The following CNTNAP3 variants were observed in gnomAD, a reference collection of about 807,000 sequenced individuals.
CNTNAP3 encodes contactin-associated protein-like 3.
In CNTNAP3, 36 loss-of-function variants were observed where a neutral mutation model predicts 92.1. The observed-to-expected ratio is 0.39, with a 90% confidence interval of 0.30 to 0.52. The LOEUF is 0.52. Among genes scored for constraint, CNTNAP3 ranks in the 20% least tolerant of loss-of-function variants. The pLI is 0.76. For missense variants in CNTNAP3, 534 were observed against 1,069.6 expected, an observed-to-expected ratio of 0.50 and a Z score of 6.98; for synonymous variants, 232 against 422.3, an observed-to-expected ratio of 0.55 and a Z score of 5.53.
At chr9:39,075,245 T>C (rs1825727943) in intron 23 of CNTNAP3, among the ~76,000 whole-genome samples, 2 of 151,080 alleles carry the variant, frequency 1.3e-5, no homozygotes, top group African/African-American at 4.9e-5. Flanking sequence ...TTCTCGACTC[T>C]AGCTGCACAC....
chr9:39,103,836 G>A lies in CNTNAP3; in HGVS notation c.2444C>T (p.Ala815Val). The change falls in exon 16 of 24, where the codon GCT becomes GTT. Residue 815 changes from alanine (A) to valine (V), a missense_variant. Transcript: ENST00000297668. ...GGTCTTAAAAAAGAAGCACACGTCA[G>A]CAGTGAGTTCTCCGTGGAAAGCAGG... The part of the protein sequence containing the change: ...HFPAFHGELT[A>V]DVCFFFKTTV... 1 of 1,611,156 alleles carries A rather than the reference G, an allele frequency of 6.2e-7. No individual in the cohort carries two copies. The highest frequency in any genetic ancestry group is 2.2e-5 in the East Asian group (1 of 44,858).
At chr9:39,090,172 C>T (rs1826159018) in intron 18 of CNTNAP3, among the ~76,000 whole-genome samples, 1 of 152,182 alleles carries the variant, frequency 6.6e-6, no homozygotes, top group African/African-American at 2.4e-5. Flanking sequence ...AACTCCTGAC[C>T]TCGTGATCTG....
chr9:39,088,993 C>T (rs1359712493), intron 18 of CNTNAP3, among the ~76,000 whole-genome samples: 3 of 152,242 alleles, frequency 2.0e-5, no homozygotes, highest in Non-Finnish European at 2.9e-5. Context: ...CCAATTTTTT[C>T]CCAAATTATT....
At chr9:39,115,138 T>C (rs996519148) in intron 14 of CNTNAP3, among the ~76,000 whole-genome samples, 1 of 151,906 alleles carries the variant, frequency 6.6e-6, no homozygotes, top group Non-Finnish European at 1.5e-5. Context: ...GAGTTGCTGA[T>C]TACAGGGACA....
chr9:39,085,850 C>T, intron 20 of CNTNAP3, 27 bp from the exon 21 acceptor site: 1 of 1,508,864 alleles, frequency 6.6e-7, no homozygotes. Context: ...GAGAAGCAAA[C>T]ATCAACAGAA....
chr9:39,152,377 C>A (rs1178072821), intron 9 of CNTNAP3, among the ~76,000 whole-genome samples: 3 of 128,114 alleles, frequency 2.3e-5, no homozygotes, highest in Non-Finnish European at 4.9e-5. Context: ...CATTTAACAC[C>A]ATATTTGTTT....
chr9:39,102,562 T>C lies in CNTNAP3; in HGVS notation c.2690A>G (p.Gln897Arg), dbSNP rs745962052. Reference protein sequence around the residue: ...GASLQVDQLPQKMQPAPADGH... With the variant: ...GASLQVDQLPRKMQPAPADGH... ...ATCAGCAGGGGCAGGCTGCATCTTC[T>C]GAGGAAGCTGATCAACTTGAAGAGA... is the stretch of plus-strand genomic sequence containing the variant. The change falls in exon 17 of 24, where the codon CAG becomes CGG. Residue 897 changes from glutamine (Q) to arginine (R), a missense_variant. By Grantham distance (43) the Gln-to-Arg change is conservative. Transcript: ENST00000297668. 7 of 1,497,288 alleles carry C rather than the reference T, an allele frequency of 4.7e-6. No homozygotes were observed. The highest frequency in any genetic ancestry group is 9.1e-7 in the Non-Finnish European group (1 of 1,100,122). The allele number at this position is 1,497,288 out of a possible 1,614,324, so 92.8% of individuals were successfully genotyped here. A position where few individuals can be genotyped will look rare whatever the true frequency, so the allele number is the denominator to read the frequency against.
At chr9:39,098,969 C>T (rs1170240550) in intron 18 of CNTNAP3, among the ~76,000 whole-genome samples, 1 of 143,658 alleles carries the variant, frequency 7.0e-6, no homozygotes, top group Non-Finnish European at 1.5e-5. Flanking sequence ...TCCCTTTTTC[C>T]TTTTCTTTTT....
At chr9:39,081,140 G>A (rs1172415171) in intron 21 of CNTNAP3, among the ~76,000 whole-genome samples, 2 of 151,630 alleles carry the variant, frequency 1.3e-5, no homozygotes, top group Non-Finnish European at 2.9e-5. Flanking sequence ...CCACTCTGAA[G>A]TGTACCTGGC....
intron 12 of CNTNAP3, among the ~76,000 whole-genome samples, chr9:39,136,338 G>A (rs1435920429): frequency 1.3e-5 from 2 of 151,978 alleles, no homozygotes; most frequent in Non-Finnish European, 2.9e-5. Flanking sequence ...TGTCCCAGAA[G>A]AAGAAAGAAA....
rs988281979 is a variant in CNTNAP3, at chr9:39,073,776, G to C, written c.*114C>G. 4 of 1,595,694 alleles carry C rather than the reference G, an allele frequency of 2.5e-6. No individual in the cohort carries two copies. The highest frequency in any genetic ancestry group is 2.7e-5 in the African/African-American group (2 of 74,868). ...TGTGTGCACCCTGATGGCAACAGCA[G>C]GGAAGTCCACAGTCACGATGATAGA... is the stretch of plus-strand genomic sequence containing the variant. On this transcript the variant is annotated 3_prime_UTR_variant, in exon 24 of 24. Transcript: ENST00000297668.
intron 10 of CNTNAP3, among the ~76,000 whole-genome samples, chr9:39,148,241 AC>A (rs1811229635): frequency 6.6e-6 from 1 of 152,150 alleles, no homozygotes; most frequent in Non-Finnish European, 1.5e-5. Flanking sequence ...AAATTCTTGC[AC>A]TTCATATACT....
rs578218943 is a variant in CNTNAP3 at position 39,125,779 on chromosome 9, T to C, written c.2080+7153A>G. Among the ~76,000 whole-genome samples, 3 of 152,264 alleles carry C rather than the reference T, an allele frequency of 2.0e-5. No individual in the cohort carries two copies. In the East Asian group the frequency reaches 5.8e-4, roughly 29 times the overall value. ...TAAAGGGGTCAATATAACAAGAAGA[T>C]ATAATAATGCTTAATGTGTATATAC... On this transcript the variant is annotated intron_variant, in intron 13 of 23. Transcript: ENST00000297668.
At chr9:39,174,388 T>C (rs1322566921) in intron 7 of CNTNAP3, 2 of 636,982 alleles carry the variant, frequency 3.1e-6, no homozygotes, top group East Asian at 5.7e-5. Flanking sequence ...TTTTTTTTTT[T>C]TTTCTCCTTT....
At chr9:39,150,157 A>C (rs1210562056) in intron 9 of CNTNAP3, among the ~76,000 whole-genome samples, 180 bp from the exon 10 acceptor site, 1 of 152,100 alleles carries the variant, frequency 6.6e-6, no homozygotes, top group Non-Finnish European at 1.5e-5. Flanking sequence ...ATTTAAGATA[A>C]TACCTGGAAT....
intron 2 of CNTNAP3, among the ~76,000 whole-genome samples, chr9:39,244,371 TG>T (rs1287702604): frequency 2.8e-5 from 2 of 71,268 alleles, no homozygotes; most frequent in African/African-American, 7.2e-5. Context: ...CTCATCTAAT[TG>T]CATTTTAATT....
intron 21 of CNTNAP3, among the ~76,000 whole-genome samples, chr9:39,084,194 GTTTTTTTTT>G (rs201621606): frequency 8.6e-6 from 1 of 116,878 alleles, no homozygotes. Context: ...TGCTCACCAA[GTTTTTTTTT>G]TTTTTTTTTT....
At position 39,140,552 on chromosome 9, in the gene CNTNAP3, G is replaced by T; in HGVS notation, c.1843C>A (p.Leu615Met). The T allele has an allele frequency of 6.2e-7, 1 of 1,613,738 alleles. No homozygotes were observed. Among genetic ancestry groups the T allele is most frequent in the Non-Finnish European group, 8.5e-7 (1 of 1,179,778 alleles). The change falls in exon 12 of 24, where the codon CTG becomes ATG. Residue 615 changes from leucine (L) to methionine (M), a missense_variant. Leu to Met is a conservative substitution (Grantham distance 15). Transcript: ENST00000297668. ...YYIDADGSGP[L>M]GPFLVYCNMT... ...TTGCAGTACACAAGAAATGGTCCCA[G>T]GGGGCCACTTCCATCTGCATCAATA...
Position 39,105,212 on chromosome 9 carries a change from A to G in CNTNAP3, c.2366-1298T>C, listed in dbSNP as rs188765642. Among the ~76,000 whole-genome samples the G allele has an allele frequency of 2.6e-3, 399 of 152,244 alleles. 2 individuals are homozygous for G. Among genetic ancestry groups the G allele is most frequent in the East Asian group, 3.9e-3 (20 of 5,162 alleles). ...GGAGGCCAAGGCGGGCGGATCATGA[A>G]GTCAGGAGATCCAGACCATCCTGGC... On this transcript the variant is annotated intron_variant, in intron 15 of 23. Transcript: ENST00000297668.
Sources: allele counts gnomAD v4.1 joint callset (sites outside exome capture counted in the v4.1 genomes callset), GRCh38; gene constraint gnomAD v4.1.1; transcripts MANE v1.5; gene names NCBI Gene and HGNC (gene_info 2026-07-23, HGNC 2026-07-21).